The following PRKAG2 variants were observed in gnomAD, a reference collection of about 807,000 sequenced individuals.
PRKAG2 encodes protein kinase AMP-activated non-catalytic subunit gamma 2.
PRKAG2 carries 26 observed loss-of-function variants against 69.6 expected under a neutral mutation model. The observed-to-expected ratio is 0.37, with a 90% CI of 0.27 to 0.52. The LOEUF (loss-of-function observed/expected upper bound fraction) is 0.52, where lower values mean the gene tolerates loss of function less well. PRKAG2 is among the 20% of genes least tolerant of loss of function. The pLI is 0.90. For missense variants in PRKAG2, 557 were observed against 740.0 expected, an observed-to-expected ratio of 0.75 and a Z score of 2.87; for synonymous variants, 293 against 285.0, an observed-to-expected ratio of 1.03 and a Z score of -0.28.
chr7:151,680,270 C>T (rs1414133748), intron 3 of PRKAG2, among the ~76,000 whole-genome samples: 2 of 152,170 alleles, frequency 1.3e-5, no homozygotes, highest in Non-Finnish European at 2.9e-5. Context: ...TATTCATTAC[C>T]ATGGTGCTTT....
intron 15 of PRKAG2, chr7:151,558,427 A>G (rs5017426): frequency 0.76 from 748,470 of 984,644 alleles, 285,109 homozygotes; most frequent in East Asian, 0.99. Context: ...TCATAGCAAC[A>G]TAGGAGGGAG....
intron 3 of PRKAG2, among the ~76,000 whole-genome samples, chr7:151,721,358 C>T (rs73484149): frequency 0.13 from 19,640 of 150,758 alleles, 4,064 homozygotes; most frequent in African/African-American, 0.44. Flanking sequence ...CTAATGCCAA[C>T]AGGAAAGGGC....
chr7:151,697,654 C>T (rs1463569699), intron 3 of PRKAG2, among the ~76,000 whole-genome samples: 2 of 152,220 alleles, frequency 1.3e-5, no homozygotes, highest in African/African-American at 4.8e-5. Context: ...GACATAACCC[C>T]TTAGCTGTGG....
chr7:151,796,078 T>C (rs992007238), intron 1 of PRKAG2, among the ~76,000 whole-genome samples: 3 of 151,790 alleles, frequency 2.0e-5, no homozygotes, highest in African/African-American at 7.3e-5. Context: ...TATGCTTGGA[T>C]CTCTAGTCTT....
chr7:151,847,675 A>T (rs541443517), intron 1 of PRKAG2, among the ~76,000 whole-genome samples: 184 of 152,358 alleles, frequency 1.2e-3, no homozygotes, highest in Middle Eastern at 3.4e-3. Flanking sequence ...CAAAGCACCG[A>T]CAAGCTCCGC....
At chr7:151,797,316 G>A (rs1329144011) in intron 1 of PRKAG2, among the ~76,000 whole-genome samples, 2 of 151,628 alleles carry the variant, frequency 1.3e-5, no homozygotes, top group East Asian at 3.9e-4. Flanking sequence ...ACTGCAGGAG[G>A]GACACCATGA....
At chr7:151,846,578 C>T (rs183177854) in intron 1 of PRKAG2, among the ~76,000 whole-genome samples, 31 of 152,334 alleles carry the variant, frequency 2.0e-4, no homozygotes, top group Non-Finnish European at 4.0e-4. Flanking sequence ...AACGCCACCT[C>T]TGTTTCTGAG....
chr7:151,844,332 A>C (rs1232657174), intron 1 of PRKAG2, among the ~76,000 whole-genome samples: 1 of 152,132 alleles, frequency 6.6e-6, no homozygotes, highest in Non-Finnish European at 1.5e-5. Context: ...TCTAGCTCTC[A>C]ACTTCTACCA....
intron 3 of PRKAG2, among the ~76,000 whole-genome samples, chr7:151,764,034 C>A (rs934953339): frequency 6.6e-6 from 1 of 152,178 alleles, no homozygotes; most frequent in African/African-American, 2.4e-5. Flanking sequence ...GAAGTTAAAA[C>A]CAAGTTAGAC....
At position 151,632,152 on chromosome 7, in the gene PRKAG2, G is replaced by C. The variant is rs747100034; in HGVS notation, c.685-14C>G. ...CGCCAGCGCCGCCTGAGGGGGAGGA[G>C]GAGGACAGCGATCAGCATGAGCTGC... On this transcript the variant is annotated splice_polypyrimidine_tract_variant and intron_variant, in intron 4 of 15. Coordinates refer to ENST00000287878, the MANE Select transcript of PRKAG2 (RefSeq NM_016203.4). The surrounding 1 kb of genome is among the most constrained non-coding windows in gnomAD (Gnocchi z 4.2). 2 of 1,383,458 alleles carry C rather than the reference G, an allele frequency of 1.4e-6. No homozygotes were observed. Among genetic ancestry groups the C allele is most frequent in the African/African-American group, 1.5e-5 (1 of 66,982 alleles). 85.7% of individuals were successfully genotyped at this position (1,383,458 alleles called of 1,614,324 possible).
At chr7:151,590,328 T>G (rs1812750120) in intron 6 of PRKAG2, among the ~76,000 whole-genome samples, 1 of 152,212 alleles carries the variant, frequency 6.6e-6, no homozygotes, top group Non-Finnish European at 1.5e-5. Context: ...TTCTTGTAGC[T>G]ACAGGGCTGT....
At chr7:151,876,444 T>C in intron 1 of PRKAG2, 63 bp downstream of exon 1, 1 of 1,510,820 alleles carries the variant, frequency 6.6e-7, no homozygotes, top group Non-Finnish European at 9.1e-7. Context: ...GTTAACCGCT[T>C]CGGCGCCGGG....
rs181719991 is a variant in PRKAG2 at position 151,777,402 on chromosome 7, G to C, written c.466+3750C>G. On this transcript the variant is annotated intron_variant, in intron 3 of 15. Coordinates refer to ENST00000287878, the MANE Select transcript of PRKAG2 (RefSeq NM_016203.4). The surrounding 1 kb of genome is among the most constrained non-coding windows in gnomAD (Gnocchi z 4.3). ...AAATTGGATCCCCGGTGTTGGAGGT[G>C]GGGCCCCGTGGGAGGTGTTTGGGTC... Among the ~76,000 whole-genome samples, 6 of 152,290 alleles carry C rather than the reference G, an allele frequency of 3.9e-5. No homozygotes were observed. The highest frequency in any genetic ancestry group is 8.8e-5 in the Non-Finnish European group (6 of 68,012).
chr7:151,621,584 C>T (rs537922108), intron 5 of PRKAG2, among the ~76,000 whole-genome samples: 5 of 152,188 alleles, frequency 3.3e-5, no homozygotes, highest in Non-Finnish European at 7.4e-5. Flanking sequence ...TTCACAGGTT[C>T]GCCAATTTAA....
At chr7:151,669,481 C>T (rs1831508696) in intron 4 of PRKAG2, among the ~76,000 whole-genome samples, 1 of 152,196 alleles carries the variant, frequency 6.6e-6, no homozygotes, top group Non-Finnish European at 1.5e-5. Flanking sequence ...TGGATTTCTG[C>T]CTCATTTCCA....
At chr7:151,839,557 G>A (rs780330544) in intron 1 of PRKAG2, among the ~76,000 whole-genome samples, 2 of 152,248 alleles carry the variant, frequency 1.3e-5, no homozygotes, top group Non-Finnish European at 2.9e-5. Context: ...CTCATGTCTT[G>A]TATTTAAATC....
chr7:151,661,366 C>G (rs916527033), intron 4 of PRKAG2, among the ~76,000 whole-genome samples: 1 of 151,164 alleles, frequency 6.6e-6, no homozygotes, highest in Admixed American at 6.6e-5. Context: ...TTGGTAGAGA[C>G]GGGATTTCAC....
intron 15 of PRKAG2, 160 bp downstream of exon 15, chr7:151,560,364 C>G: frequency 6.5e-7 from 1 of 1,537,734 alleles, no homozygotes; most frequent in Non-Finnish European, 8.7e-7. Context: ...AACACTTAAA[C>G]TTCCCAACTG....
intron 6 of PRKAG2, among the ~76,000 whole-genome samples, chr7:151,589,809 C>T (rs1812620204): frequency 1.3e-5 from 2 of 152,160 alleles, no homozygotes; most frequent in East Asian, 3.9e-4. Flanking sequence ...GTAGTGGGTG[C>T]CTGTAATCCC....
Sources: gnomAD v4.1 joint callset for allele counts (sites outside exome capture counted in the v4.1 genomes callset) on GRCh38, gnomAD v4.1.1 for gene constraint, Gnocchi (gnomAD v3.1) non-coding constraint, MANE v1.5 for transcripts, NCBI Gene and HGNC (gene_info 2026-07-23, HGNC 2026-07-21) for gene names.